The following PGM5 variants were observed in gnomAD, a reference collection of about 807,000 sequenced individuals.
PGM5 encodes the protein phosphoglucomutase-like protein 5.
In PGM5, 23 loss-of-function variants were observed where a neutral mutation model predicts 59.2. The ratio of observed to expected loss-of-function variants is 0.39; its 90% CI spans 0.28 to 0.55. PGM5 has a LOEUF of 0.55. Among genes scored for constraint, PGM5 ranks in the 20% least tolerant of loss-of-function variants. The pLI is 0.66. For synonymous variants in PGM5, 214 were observed against 286.0 expected (o/e 0.75, Z 2.54); for missense variants, 574 against 748.3 (o/e 0.77, Z 2.72).
At chr9:68,381,640 G>GCA (rs4014841) in intron 2 of PGM5, among the ~76,000 whole-genome samples, 12,965 of 145,150 alleles carry the variant, frequency 0.089, 562 homozygotes, top group East Asian at 0.14. Context: ...TTCTACACAT[G>GCA]CACACACACA....
chr9:68,482,018 A>G (rs1224565576), intron 8 of PGM5, among the ~76,000 whole-genome samples: 1 of 152,206 alleles, frequency 6.6e-6, no homozygotes, highest in Non-Finnish European at 1.5e-5. Flanking sequence ...TTTTTCTTGT[A>G]TGAGTAGACC....
intron 10 of PGM5, among the ~76,000 whole-genome samples, chr9:68,528,697 A>G (rs527431146): frequency 6.6e-6 from 1 of 152,364 alleles, no homozygotes; most frequent in African/African-American, 2.4e-5. Flanking sequence ...CTAGCTGGGT[A>G]ACTCCTGAGG....
At chr9:68,508,187 A>C (rs1824688700) in intron 10 of PGM5, among the ~76,000 whole-genome samples, 1 of 152,082 alleles carries the variant, frequency 6.6e-6, no homozygotes, top group South Asian at 2.1e-4. Flanking sequence ...TCTTTGTGGC[A>C]ATATATACAA....
chr9:68,422,387 G>A (rs1209630028), intron 6 of PGM5, among the ~76,000 whole-genome samples: 2 of 151,994 alleles, frequency 1.3e-5, no homozygotes, highest in Admixed American at 1.3e-4. Flanking sequence ...CCTACCTCTT[G>A]GTAACAAAAC....
intron 6 of PGM5, among the ~76,000 whole-genome samples, chr9:68,406,677 T>G (rs1587797250): frequency 4.0e-4 from 1 of 2,480 alleles, no homozygotes; most frequent in African/African-American, 1.2e-3. Context: ...TATATATATA[T>G]GTATATATAT....
chr9:68,526,652 T>G (rs1824979941), intron 10 of PGM5, among the ~76,000 whole-genome samples: 1 of 152,226 alleles, frequency 6.6e-6, no homozygotes, highest in Non-Finnish European at 1.5e-5. Context: ...CTATAATATC[T>G]GTCTTTGATT....
chr9:68,501,067 C>A (rs922271117), intron 10 of PGM5, among the ~76,000 whole-genome samples: 4 of 152,050 alleles, frequency 2.6e-5, no homozygotes, highest in African/African-American at 9.7e-5. Flanking sequence ...GGTTTTGGTC[C>A]CCATGACTGC....
intron 6 of PGM5, among the ~76,000 whole-genome samples, chr9:68,441,454 G>T (rs1554683695): frequency 6.6e-6 from 1 of 152,094 alleles, no homozygotes; most frequent in Non-Finnish European, 1.5e-5. Flanking sequence ...GGAAAGTGAG[G>T]CTGTTTTAAT....
rs1444346393 is a variant in PGM5, at chr9:68,376,851, C to T, written c.262-1348C>T. Among the ~76,000 whole-genome samples, 225 of 81,850 alleles carry T rather than the reference C, an allele frequency of 2.7e-3. 18 individuals carry two copies. Among genetic ancestry groups the T allele is most frequent in the African/African-American group, 9.7e-3 (219 of 22,662 alleles). The allele number at this position is 81,850 out of a possible 152,430, so 53.7% of individuals were successfully genotyped here. ...TTTCTTTCTCTTTCTTTCTTTCTTT[C>T]TCTTTCTTTCTTTTTTCTTTCTCTT... On this transcript the variant is annotated intron_variant, in intron 1 of 10. Coordinates refer to ENST00000396396, the MANE Select transcript of PGM5 (RefSeq NM_021965.4).
At chr9:68,479,629 T>C (rs1824160979) in intron 8 of PGM5, 76 bp downstream of exon 8, 3 of 1,475,638 alleles carry the variant, frequency 2.0e-6, no homozygotes, top group Non-Finnish European at 2.8e-6. Context: ...ACTGATGGGC[T>C]AGAACCTTAA....
chr9:68,463,295 T>C (rs1230399232), intron 6 of PGM5, among the ~76,000 whole-genome samples: 1 of 152,102 alleles, frequency 6.6e-6, no homozygotes, highest in Non-Finnish European at 1.5e-5. Flanking sequence ...AGACCCTCAT[T>C]GATCCCACTC....
At chr9:68,400,099 CACTTCCTCTAG>C (rs1320832103) in intron 6 of PGM5, among the ~76,000 whole-genome samples, 5 of 152,002 alleles carry the variant, frequency 3.3e-5, no homozygotes, top group Non-Finnish European at 2.9e-5. Flanking sequence ...AAACTGTTCC[CACTTCCTCTAG>C]ACTTCCTCTT....
intron 10 of PGM5, among the ~76,000 whole-genome samples, chr9:68,502,701 G>GT (rs1554688749): frequency 2.0e-5 from 3 of 150,440 alleles, no homozygotes; most frequent in Admixed American, 1.3e-4. Flanking sequence ...TTGTTTGTTT[G>GT]TTTTTTGAGA....
At chr9:68,489,919 G>A (rs183833584) in intron 9 of PGM5, among the ~76,000 whole-genome samples, 1 of 152,256 alleles carries the variant, frequency 6.6e-6, no homozygotes, top group East Asian at 1.9e-4. Context: ...ACCTCTTCAA[G>A]TTAAGCAGGC....
intron 1 of PGM5, among the ~76,000 whole-genome samples, chr9:68,370,833 C>T (rs1157250806): frequency 6.6e-6 from 1 of 152,114 alleles, no homozygotes; most frequent in African/African-American, 2.4e-5. Flanking sequence ...GTAACGGCAT[C>T]ATGGGAAATG....
chr9:68,365,080 A>G (rs1587769749), intron 1 of PGM5, among the ~76,000 whole-genome samples: 1 of 151,566 alleles, frequency 6.6e-6, no homozygotes, highest in African/African-American at 2.4e-5. Flanking sequence ...ACTTGAGGAC[A>G]AGAAGTTGGA....
intron 1 of PGM5, among the ~76,000 whole-genome samples, chr9:68,361,368 G>A (rs542361053): frequency 9.1e-4 from 139 of 152,256 alleles, no homozygotes; most frequent in Middle Eastern, 6.8e-3. Flanking sequence ...TCCCCTTCTG[G>A]AATTTTCTGG....
intron 9 of PGM5, chr9:68,498,136 C>A (rs1271928016): frequency 6.6e-6 from 1 of 152,186 alleles, no homozygotes; most frequent in Non-Finnish European, 1.5e-5. Flanking sequence ...CATGCCTCCC[C>A]CTTTTGGTTC....
intron 6 of PGM5, among the ~76,000 whole-genome samples, chr9:68,459,157 G>A (rs1478138240): frequency 6.6e-6 from 1 of 152,178 alleles, no homozygotes; most frequent in Non-Finnish European, 1.5e-5. Context: ...ATTCAAACAT[G>A]CACTTAGTCA....
Sources: allele counts gnomAD v4.1 joint callset (sites outside exome capture counted in the v4.1 genomes callset), GRCh38; gene constraint gnomAD v4.1.1; transcripts MANE v1.5; gene names NCBI Gene and HGNC (gene_info 2026-07-23, HGNC 2026-07-21).